Variants in GFRA1 observed in about 807,000 individuals in gnomAD.
GFRA1 encodes the protein GDNF family receptor alpha 1, also known as GDNF family receptor alpha-1.
Under a neutral mutation model 51.6 loss-of-function variants are expected in GFRA1, and 16 were observed. The ratio of observed to expected loss-of-function variants is 0.31; its 90% CI spans 0.21 to 0.47. The LOEUF is 0.47. GFRA1 is among the 20% of genes least tolerant of loss of function. The probability of loss-of-function intolerance (pLI) is 1.00; values close to 1 mark genes in which losing one functional copy is unlikely to be tolerated. For missense variants in GFRA1, 530 were observed against 594.3 expected (o/e 0.89, Z 1.13); for synonymous variants, 270 against 241.3 (o/e 1.12, Z -1.10).
intron 6 of GFRA1, among the ~76,000 whole-genome samples, chr10:116,110,263 A>C (rs1957155819): frequency 6.6e-6 from 1 of 152,108 alleles, no homozygotes; most frequent in African/African-American, 2.4e-5. Context: ...TTCACTGAGC[A>C]TTAAACTCTG....
chr10:116,107,594 C>T (rs988444786), intron 6 of GFRA1, among the ~76,000 whole-genome samples: 2 of 152,018 alleles, frequency 1.3e-5, no homozygotes, highest in Non-Finnish European at 2.9e-5. Flanking sequence ...TGAAATCATA[C>T]TCCCTAAACA....
intron 4 of GFRA1, among the ~76,000 whole-genome samples, chr10:116,220,095 T>G (rs1213888991): frequency 6.6e-6 from 1 of 152,222 alleles, no homozygotes; most frequent in Non-Finnish European, 1.5e-5. Context: ...CATGCTAAAT[T>G]ACATTCACAA....
rs552186223 is a variant in GFRA1 at position 116,062,768 on chromosome 10, T to C, written c.*1630A>G. 6.6e-6 allele frequency: 1 copy of C among 152,194 alleles called. No individual in the cohort carries two copies. The highest frequency in any genetic ancestry group is 1.5e-5 in the Non-Finnish European group (1 of 68,042). 9.4% of individuals were successfully genotyped at this position (152,194 alleles called of 1,614,324 possible). A position where few individuals can be genotyped will look rare whatever the true frequency, so the allele number is the denominator to read the frequency against. On this transcript the variant is annotated 3_prime_UTR_variant, in exon 11 of 11. Transcript: ENST00000355422. The stretch of plus-strand genomic sequence containing the variant: ...TCATTGTAGATTCGGAATCTCGCCA[T>C]CTAAACCAGACTTCAAAAGTGCACT...
chr10:116,190,532 A>G (rs964372988), intron 5 of GFRA1, among the ~76,000 whole-genome samples: 1 of 152,162 alleles, frequency 6.6e-6, no homozygotes, highest in African/African-American at 2.4e-5. Context: ...CAGAAGCCTG[A>G]AGAATGCTGC....
At chr10:116,077,557 T>TTAAAC (rs1441820728) in intron 9 of GFRA1, among the ~76,000 whole-genome samples, 2 of 152,238 alleles carry the variant, frequency 1.3e-5, no homozygotes, top group Non-Finnish European at 2.9e-5. Context: ...TGCCGTATTA[T>TTAAAC]TAAACTATAC....
intron 9 of GFRA1, among the ~76,000 whole-genome samples, chr10:116,074,757 G>A (rs1243244562): frequency 6.6e-6 from 1 of 152,192 alleles, no homozygotes; most frequent in Non-Finnish European, 1.5e-5. Flanking sequence ...GGATGCTCTT[G>A]GTTGAATTTT....
intron 9 of GFRA1, among the ~76,000 whole-genome samples, chr10:116,077,015 T>C (rs982003855): frequency 1.3e-5 from 2 of 152,196 alleles, no homozygotes; most frequent in Non-Finnish European, 2.9e-5. Context: ...CCATTCACTT[T>C]ATAGAATAGT....
intron 6 of GFRA1, among the ~76,000 whole-genome samples, chr10:116,102,481 T>C (rs1002724882): frequency 7.9e-5 from 12 of 152,186 alleles, no homozygotes; most frequent in Non-Finnish European, 1.0e-4. Flanking sequence ...ACCACTGTAT[T>C]AGTCCGTTTT....
intron 5 of GFRA1, among the ~76,000 whole-genome samples, chr10:116,166,849 G>C (rs930037560): frequency 7.7e-6 from 1 of 130,546 alleles, no homozygotes; most frequent in Non-Finnish European, 1.6e-5. Flanking sequence ...GCCCAGGCTG[G>C]AGTGCAGCGG....
chr10:116,137,705 G>T (rs72834601), intron 5 of GFRA1, among the ~76,000 whole-genome samples: 3,636 of 152,294 alleles, frequency 0.024, 70 homozygotes, highest in Non-Finnish European at 0.036. Flanking sequence ...GCCAGGAGCT[G>T]GGCAGAAAGT....
chr10:116,156,184 A>G, intron 5 of GFRA1, among the ~76,000 whole-genome samples: 1 of 152,210 alleles, frequency 6.6e-6, no homozygotes, highest in East Asian at 1.9e-4. Context: ...TCTAGATGGT[A>G]GATTGGGAAG....
At chr10:116,267,109 C>G (rs947510591) in intron 4 of GFRA1, among the ~76,000 whole-genome samples, 1 of 151,912 alleles carries the variant, frequency 6.6e-6, no homozygotes, top group Non-Finnish European at 1.5e-5. Context: ...CCACTGCACT[C>G]TAGCCTAGGC....
intron 5 of GFRA1, among the ~76,000 whole-genome samples, chr10:116,174,792 T>C (rs763496810): frequency 3.9e-5 from 6 of 152,198 alleles, no homozygotes; most frequent in Non-Finnish European, 8.8e-5. Flanking sequence ...TTAAAAACTA[T>C]CTATATGGGT....
intron 5 of GFRA1, among the ~76,000 whole-genome samples, chr10:116,195,334 T>G (rs1454408162): frequency 6.6e-6 from 1 of 152,202 alleles, no homozygotes; most frequent in Admixed American, 6.5e-5. Context: ...CACAGCCTTT[T>G]AATATCTGCT....
intron 9 of GFRA1, among the ~76,000 whole-genome samples, chr10:116,070,896 C>T (rs1955359261): frequency 6.6e-6 from 1 of 150,918 alleles, no homozygotes; most frequent in African/African-American, 2.4e-5. Flanking sequence ...TATTTTGAAA[C>T]TCACCTTCCT....
chr10:116,129,382 A>G (rs1279901336), intron 5 of GFRA1, among the ~76,000 whole-genome samples: 10 of 152,350 alleles, frequency 6.6e-5, no homozygotes, highest in Non-Finnish European at 1.2e-4. Context: ...ATATTTAAAA[A>G]TATATGTAAT....
intron 5 of GFRA1, among the ~76,000 whole-genome samples, chr10:116,139,410 T>C (rs150118427): frequency 6.6e-6 from 1 of 152,240 alleles, no homozygotes; most frequent in Non-Finnish European, 1.5e-5. Context: ...GTAAAATGCA[T>C]GCATTCTACC....
chr10:116,244,962 A>G (rs1665677029), intron 4 of GFRA1, among the ~76,000 whole-genome samples: 3 of 152,342 alleles, frequency 2.0e-5, no homozygotes, highest in Admixed American at 2.0e-4. Context: ...AAGTATGAGA[A>G]AGAAAGCTAA....
At chr10:116,169,887 G>C (rs2134221941) in intron 5 of GFRA1, among the ~76,000 whole-genome samples, 1 of 152,248 alleles carries the variant, frequency 6.6e-6, no homozygotes, top group African/African-American at 2.4e-5. Flanking sequence ...TACTAAAAGA[G>C]CACTGATTGT....
Sources: allele counts gnomAD v4.1 joint callset (sites outside exome capture counted in the v4.1 genomes callset), GRCh38; gene constraint gnomAD v4.1.1; transcripts MANE v1.5; gene names NCBI Gene and HGNC (gene_info 2026-07-23, HGNC 2026-07-21).